The following MAP3K7CL variants were observed in gnomAD, a reference collection of about 807,000 sequenced individuals.
MAP3K7CL encodes MAP3K7 C-terminal like, also known as MAP3K7 C-terminal-like protein.
A neutral mutation model predicts 18.6 loss-of-function variants in MAP3K7CL; 16 were observed. The ratio of observed to expected loss-of-function variants is 0.86; its 90% CI spans 0.58 to 1.31. MAP3K7CL has a LOEUF of 1.31. MAP3K7CL is among the 50% of genes most tolerant of loss of function. The probability of loss-of-function intolerance (pLI) is 0.00; values close to 1 mark genes in which losing one functional copy is unlikely to be tolerated. For synonymous variants in MAP3K7CL, 65 were observed against 66.8 expected, an observed-to-expected ratio of 0.97 and a Z score of 0.13; for missense variants, 163 against 174.4, an observed-to-expected ratio of 0.93 and a Z score of 0.37.
chr21:29,149,524 C>T (rs908282805), intron 3 of MAP3K7CL, among the ~76,000 whole-genome samples: 1 of 152,130 alleles, frequency 6.6e-6, no homozygotes, highest in Non-Finnish European at 1.5e-5. Flanking sequence ...GGGAAAAGGA[C>T]GGGTCCCTTC....
chr21:29,172,241 CTTTT>C (rs35612617), intron 4 of MAP3K7CL, among the ~76,000 whole-genome samples: 1 of 126,284 alleles, frequency 7.9e-6, no homozygotes, highest in East Asian at 2.3e-4. Flanking sequence ...TTGTCATTTT[CTTTT>C]TTTTTTTTTT....
At chr21:29,101,333 A>G (rs936726958) in intron 4 of MAP3K7CL, among the ~76,000 whole-genome samples, 1 of 152,198 alleles carries the variant, frequency 6.6e-6, no homozygotes, top group African/African-American at 2.4e-5. Context: ...GTCAAGTAAT[A>G]ATGTCACCCA....
intron 2 of MAP3K7CL, among the ~76,000 whole-genome samples, chr21:29,146,198 C>T (rs1273424969): frequency 4.6e-5 from 7 of 152,084 alleles, no homozygotes; most frequent in Non-Finnish European, 1.0e-4. Context: ...TCATACTTTA[C>T]AGAGTGGTTT....
At chr21:29,170,460 G>A in intron 4 of MAP3K7CL, among the ~76,000 whole-genome samples, 1 of 151,904 alleles carries the variant, frequency 6.6e-6, no homozygotes, top group East Asian at 1.9e-4. Flanking sequence ...GGTTAGATAT[G>A]GAGCCAGGGA....
At chr21:29,152,316 C>G (rs189387351) in intron 3 of MAP3K7CL, among the ~76,000 whole-genome samples, 1 of 152,288 alleles carries the variant, frequency 6.6e-6, no homozygotes. Context: ...TACATTTAAG[C>G]CTTCTGTTGC....
intron 3 of MAP3K7CL, among the ~76,000 whole-genome samples, chr21:29,151,546 CT>C (rs1212597807): frequency 2.6e-5 from 4 of 152,154 alleles, no homozygotes; most frequent in Non-Finnish European, 5.9e-5. Context: ...ATTTTTTCCC[CT>C]AGTCATATTT....
chr21:29,173,796 C>T (rs56151274), intron 4 of MAP3K7CL, among the ~76,000 whole-genome samples: 3 of 152,098 alleles, frequency 2.0e-5, no homozygotes, highest in Non-Finnish European at 2.9e-5. Context: ...CAACCTCCCA[C>T]GCTCAAGTGA....
chr21:29,077,249 G>A (rs1486926475), upstream of MAP3K7CL, among the ~76,000 whole-genome samples: 1 of 152,244 alleles, frequency 6.6e-6, no homozygotes, highest in Non-Finnish European at 1.5e-5. Context: ...AGCAGCGGGC[G>A]GCGCTCGTCG....
At chr21:29,106,003 A>AC (rs1249367089) in intron 4 of MAP3K7CL, among the ~76,000 whole-genome samples, 1 of 151,988 alleles carries the variant, frequency 6.6e-6, no homozygotes, top group Non-Finnish European at 1.5e-5. Flanking sequence ...CAAAATTGAG[A>AC]CCCCATGAAC....
At chr21:29,149,090 C>T in intron 2 of MAP3K7CL, 99 bp from the exon 3 acceptor site, 1 of 986,744 alleles carries the variant, frequency 1.0e-6, no homozygotes, top group Non-Finnish European at 1.6e-6. Flanking sequence ...GATGAAATGA[C>T]TGAAACAGTG....
chr21:29,129,728 G>C (rs907092823), upstream of MAP3K7CL, among the ~76,000 whole-genome samples: 1 of 152,180 alleles, frequency 6.6e-6, no homozygotes, highest in Non-Finnish European at 1.5e-5. Flanking sequence ...CTGCCCAACT[G>C]TTTACTAAAG....
intron 4 of MAP3K7CL, among the ~76,000 whole-genome samples, chr21:29,105,213 G>A (rs1030512528): frequency 7.9e-5 from 12 of 152,186 alleles, no homozygotes; most frequent in African/African-American, 2.9e-4. Context: ...AGTGGAGCTT[G>A]CCCTGGGGAA....
intron 3 of MAP3K7CL, among the ~76,000 whole-genome samples, chr21:29,159,295 C>CT (rs1298580389): frequency 6.6e-6 from 1 of 152,146 alleles, no homozygotes; most frequent in Non-Finnish European, 1.5e-5. Context: ...GTCAGAAAGG[C>CT]TTGCCACGCT....
At chr21:29,171,471 A>G (rs1279075774) in intron 4 of MAP3K7CL, among the ~76,000 whole-genome samples, 2 of 152,238 alleles carry the variant, frequency 1.3e-5, no homozygotes, top group East Asian at 3.9e-4. Flanking sequence ...TTTTTTCAGG[A>G]TAACTGCATT....
chr21:29,116,008 G>T (rs1455303838), intron 4 of MAP3K7CL, among the ~76,000 whole-genome samples: 1 of 152,216 alleles, frequency 6.6e-6, no homozygotes. Context: ...GATTCGATCT[G>T]TTCCGTGGCT....
At chr21:29,129,287 T>C (rs1474417309), upstream of MAP3K7CL, among the ~76,000 whole-genome samples, 2 of 152,226 alleles carry the variant, frequency 1.3e-5, no homozygotes. Context: ...TACAGTCTCA[T>C]ATAGAATAGT....
intron 4 of MAP3K7CL, among the ~76,000 whole-genome samples, chr21:29,104,623 T>A (rs1386018639): frequency 6.6e-6 from 1 of 152,228 alleles, no homozygotes; most frequent in South Asian, 2.1e-4. Context: ...AACCTGACAC[T>A]GTCCTGAGCT....
chr21:29,168,257 G>A (rs1427582295), intron 4 of MAP3K7CL, among the ~76,000 whole-genome samples: 1 of 152,284 alleles, frequency 6.6e-6, no homozygotes, highest in East Asian at 1.9e-4. Context: ...TTCCTATGAT[G>A]TCTGATATGA....
At chr21:29,114,685 C>G (rs1218438447) in intron 4 of MAP3K7CL, among the ~76,000 whole-genome samples, 1 of 152,202 alleles carries the variant, frequency 6.6e-6, no homozygotes, top group Non-Finnish European at 1.5e-5. Context: ...GCCACTGCAC[C>G]TGGCTATGAT....
Sources: allele counts gnomAD v4.1 joint callset (sites outside exome capture counted in the v4.1 genomes callset), GRCh38; gene constraint gnomAD v4.1.1; transcripts MANE v1.5; gene names NCBI Gene and HGNC (gene_info 2026-07-23, HGNC 2026-07-21).